PTPRD: variants seen among roughly 807,000 people sequenced by gnomAD.
PTPRD encodes the protein protein tyrosine phosphatase receptor type D.
PTPRD carries 34 observed loss-of-function variants against 214.5 expected under a neutral mutation model. The observed-to-expected ratio is 0.16, with a 90% CI of 0.12 to 0.21. The LOEUF (loss-of-function observed/expected upper bound fraction) is 0.21, where lower values mean the gene tolerates loss of function less well. Ranked by LOEUF, PTPRD falls within the 10% of genes least tolerant of loss-of-function variation. PTPRD has a pLI of 1.00. For missense variants in PTPRD, 2,545 were observed against 2,398.7 expected, an observed-to-expected ratio of 1.06 and a Z score of -1.27; for synonymous variants, 1,128 against 845.7, an observed-to-expected ratio of 1.33 and a Z score of -5.79.
In PTPRD at chr9:10,015,941, T is replaced by C. The variant is rs78876490; in HGVS notation, c.-472+17777A>G. On this transcript the variant is annotated intron_variant, in intron 4 of 45. Coordinates refer to ENST00000381196, the MANE Select transcript of PTPRD (RefSeq NM_002839.4). ...ACCATGTGTCCCATAAACCTCTCTCTCTAATTACCAGTTGACTGACACCAC... is the reference window on the plus strand; with the variant it reads ...ACCATGTGTCCCATAAACCTCTCTCCCTAATTACCAGTTGACTGACACCAC... 4.9e-4 allele frequency among the ~76,000 whole-genome samples: 75 copies of C among 152,278 alleles called. 2 individuals carry two copies. In the East Asian group the frequency reaches 0.01, roughly 21 times the overall value.
At chr9:8,739,988 C>CT (rs1376721015) in intron 11 of PTPRD, among the ~76,000 whole-genome samples, 1 of 152,250 alleles carries the variant, frequency 6.6e-6, no homozygotes, top group East Asian at 1.9e-4. Flanking sequence ...TCCATTAAAC[C>CT]TTTTTTTCTT....
intron 3 of PTPRD, among the ~76,000 whole-genome samples, chr9:10,328,191 T>C (rs879303555): frequency 1.3e-5 from 2 of 151,774 alleles, no homozygotes; most frequent in African/African-American, 4.8e-5. Flanking sequence ...AAATATACTG[T>C]AATACACTCT....
At chr9:8,679,096 A>C (rs1380860423) in intron 12 of PTPRD, among the ~76,000 whole-genome samples, 2 of 152,206 alleles carry the variant, frequency 1.3e-5, no homozygotes, top group Non-Finnish European at 2.9e-5. Context: ...AGGTGGTAGT[A>C]CAGGAATAGC....
intron 3 of PTPRD, among the ~76,000 whole-genome samples, chr9:10,036,348 G>C (rs1038946075): frequency 5.3e-5 from 8 of 151,962 alleles, no homozygotes; most frequent in Non-Finnish European, 8.8e-5. Context: ...GTATTTCCCT[G>C]TTAAGCCTGG....
At position 10,184,965 on chromosome 9, in the gene PTPRD, G is replaced by C. The variant is rs1173802566; in HGVS notation, c.-544-151175C>G. 3.3e-5 allele frequency among the ~76,000 whole-genome samples: 5 copies of C among 152,270 alleles called. No individual in the cohort carries two copies. In the East Asian group the frequency reaches 9.6e-4, roughly 29 times the overall value. On this transcript the variant is annotated intron_variant, in intron 3 of 45. Transcript: ENST00000381196. ...TATAACCACAGCAGTGTTTGTGAAA[G>C]TGAAAATCATTGCCACATTCATAAC...
At chr9:9,571,225 TA>T (rs887209103) in intron 8 of PTPRD, among the ~76,000 whole-genome samples, 4 of 151,496 alleles carry the variant, frequency 2.6e-5, no homozygotes, top group Non-Finnish European at 3.0e-5. Context: ...TCCTGATTTT[TA>T]TACCATCCTT....
chr9:8,325,420 C>A (rs1277791276), intron 44 of PTPRD, among the ~76,000 whole-genome samples: 3 of 149,096 alleles, frequency 2.0e-5, no homozygotes, highest in African/African-American at 7.4e-5. Flanking sequence ...GGTGTTACTT[C>A]TGAGGCCTCT....
At chr9:10,521,912 T>C (rs2052451805) in intron 2 of PTPRD, among the ~76,000 whole-genome samples, 1 of 152,154 alleles carries the variant, frequency 6.6e-6, no homozygotes, top group Admixed American at 6.6e-5. Flanking sequence ...TACAATGTGC[T>C]TTTTTGCAAT....
intron 3 of PTPRD, among the ~76,000 whole-genome samples, chr9:10,054,614 G>A (rs1453128542): frequency 6.6e-6 from 1 of 152,096 alleles, no homozygotes; most frequent in Non-Finnish European, 1.5e-5. Flanking sequence ...CTTTGAAATG[G>A]TATCAAGATA....
chr9:10,532,378 G>C (rs572226091), intron 2 of PTPRD: 13 of 152,060 alleles, frequency 8.5e-5, no homozygotes, highest in African/African-American at 3.1e-4. Context: ...CTCAGGCCAA[G>C]AAAGTCACTG....
At chr9:9,710,499 T>C (rs1367402776) in intron 7 of PTPRD, among the ~76,000 whole-genome samples, 1 of 152,126 alleles carries the variant, frequency 6.6e-6, no homozygotes, top group East Asian at 1.9e-4. Context: ...TTCAAATACT[T>C]GATTCTCACT....
chr9:10,211,816 G>A (rs1439120871), intron 3 of PTPRD, among the ~76,000 whole-genome samples: 1 of 152,016 alleles, frequency 6.6e-6, no homozygotes, highest in Non-Finnish European at 1.5e-5. Context: ...AGAAGAGAGG[G>A]GGGTGAGGGA....
chr9:8,646,840 A>G (rs959910067), intron 12 of PTPRD, among the ~76,000 whole-genome samples: 5 of 152,192 alleles, frequency 3.3e-5, no homozygotes, highest in African/African-American at 4.8e-5. Context: ...CATAGTTTCA[A>G]TGCATACATG....
chr9:10,060,827 T>TCTTTCTTTCTTCCTTC (rs1217470478), intron 3 of PTPRD, among the ~76,000 whole-genome samples: 1,208 of 119,776 alleles, frequency 0.01, 30 homozygotes, highest in Non-Finnish European at 0.014. Flanking sequence ...TTTCTTTCTT[T>TCTTTCTTTCTTCCTTC]CTTCCTTCCT....
chr9:10,520,888 A>C (rs1566706136), intron 2 of PTPRD, among the ~76,000 whole-genome samples: 1 of 151,714 alleles, frequency 6.6e-6, no homozygotes, highest in East Asian at 1.9e-4. Flanking sequence ...CTCAGAGAAA[A>C]ACAGATTCCT....
intron 10 of PTPRD, among the ~76,000 whole-genome samples, chr9:9,156,826 G>A (rs184407765): frequency 6.6e-6 from 1 of 152,246 alleles, no homozygotes; most frequent in Admixed American, 6.5e-5. Context: ...GATCAATTTG[G>A]CTGGTAAGTG....
chr9:9,014,299 C>T (rs1165507270), intron 11 of PTPRD, among the ~76,000 whole-genome samples: 2 of 150,390 alleles, frequency 1.3e-5, no homozygotes, highest in South Asian at 2.1e-4. Context: ...ACAATCTGAA[C>T]AGAAATGTGC....
chr9:8,465,236 A>T (rs1401827789), intron 32 of PTPRD, among the ~76,000 whole-genome samples: 1 of 151,934 alleles, frequency 6.6e-6, no homozygotes, highest in Non-Finnish European at 1.5e-5. Flanking sequence ...GAACTTCATA[A>T]ACTAGAGGGC....
At chr9:8,392,362 C>T (rs2089891074) in intron 36 of PTPRD, among the ~76,000 whole-genome samples, 1 of 151,898 alleles carries the variant, frequency 6.6e-6, no homozygotes. Context: ...CCTGTCTCTA[C>T]AAAACACTAA....
Sources: allele counts gnomAD v4.1 joint callset (sites outside exome capture counted in the v4.1 genomes callset), GRCh38; gene constraint gnomAD v4.1.1; transcripts MANE v1.5; gene names NCBI Gene and HGNC (gene_info 2026-07-23, HGNC 2026-07-21).